Variants in SNN observed in about 807,000 individuals in gnomAD.
SNN encodes stannin, also known as AG8_1.
A neutral mutation model predicts 5.3 loss-of-function variants in SNN; 5 were observed. The ratio of observed to expected loss-of-function variants is 0.94; its 90% CI spans 0.49 to 1.97. The LOEUF (loss-of-function observed/expected upper bound fraction) is 1.97. Ranked by LOEUF, SNN falls within the 30% of genes most tolerant of loss-of-function variation. The pLI is 0.01. For synonymous variants in SNN, 67 were observed against 52.1 expected (o/e 1.29, Z -1.24); for missense variants, 127 against 121.6 (o/e 1.04, Z -0.21).
At position 11,671,682 on chromosome 16, in the gene SNN, C is replaced by T. The variant is rs1302372285; in HGVS notation, c.-86+3142C>T. Reference sequence around the variant, plus strand: ...GCATCTCCCCAACCCAAGCTGTGGCCCGTCCCTGTCCCCTGCATCCTGTGG... The same window carrying T: ...GCATCTCCCCAACCCAAGCTGTGGCTCGTCCCTGTCCCCTGCATCCTGTGG... On this transcript the variant is annotated intron_variant, in intron 1 of 1. Transcript: ENST00000329565. This position sits in a 1 kb window ranked among gnomAD's most constrained non-coding sequence, Gnocchi z 4.7. Among the ~76,000 whole-genome samples, 2 of 152,196 alleles carry T rather than the reference C, an allele frequency of 1.3e-5. No homozygotes were observed. The highest frequency in any genetic ancestry group is 6.5e-5 in the Admixed American group (1 of 15,278).
In SNN at chr16:11,678,390, T is replaced by C. The variant is rs2050326304; in HGVS notation, c.*2064T>C. 1 of 167,080 alleles carries C rather than the reference T, an allele frequency of 6.0e-6. No homozygotes were observed. Among genetic ancestry groups the C allele is most frequent in the South Asian group, 2.1e-4 (1 of 4,828 alleles). The allele number at this position is 167,080 out of a possible 1,614,324, so 10.3% of individuals were successfully genotyped here. A position where few individuals can be genotyped will look rare whatever the true frequency, so the allele number is the denominator to read the frequency against. The stretch of plus-strand genomic sequence containing the variant: ...CACATACACCTAGGCTGTTTTTCCT[T>C]CCTCCACACCTGAGGGACGCAGCAA... On this transcript the variant is annotated 3_prime_UTR_variant, in exon 2 of 2. Coordinates refer to ENST00000329565, the MANE Select transcript of SNN (RefSeq NM_003498.6).
Position 11,676,384 on chromosome 16 carries a change from C to CA in SNN, c.*62dup. 6.4e-7 allele frequency: 1 copy of CA among 1,554,760 alleles called. No individual in the cohort carries two copies. The highest frequency in any genetic ancestry group is 8.7e-7 in the Non-Finnish European group (1 of 1,144,632). On this transcript the variant is annotated 3_prime_UTR_variant, in exon 2 of 2. Coordinates refer to ENST00000329565, the MANE Select transcript of SNN (RefSeq NM_003498.6). ...GCCGGCCAAGAGGCGCTGGGAGGGG[C>CA]AAAACCATACGGATGCGCTGCTGTC...
Position 11,676,480 on chromosome 16 carries a change from G to T in SNN, c.*154G>T. On this transcript the variant is annotated 3_prime_UTR_variant, in exon 2 of 2. Transcript: ENST00000329565. ...GTCATCGCATGCACTGATGCCCGGGGACCTGGCTGTCCTGGGCTTCCCCTC... is the reference window on the plus strand; with the variant it reads ...GTCATCGCATGCACTGATGCCCGGGTACCTGGCTGTCCTGGGCTTCCCCTC... 2.1e-6 allele frequency: 2 copies of T among 954,712 alleles called. No individual in the cohort carries two copies. Among genetic ancestry groups the T allele is most frequent in the Non-Finnish European group, 3.1e-6 (2 of 646,424 alleles). The allele number at this position is 954,712 out of a possible 1,614,324, so 59.1% of individuals were successfully genotyped here. A position where few individuals can be genotyped will look rare whatever the true frequency, so the allele number is the denominator to read the frequency against.
At chr16:11,675,903 G>A in intron 1 of SNN, 72 bp from the exon 2 acceptor site, 1 of 772,054 alleles carries the variant, frequency 1.3e-6, no homozygotes, top group Non-Finnish European at 2.0e-6. Flanking sequence ...GGGATGGGCA[G>A]GTCTGAGAAC....
Position 11,679,135 on chromosome 16 carries a change from G to T in SNN, c.*2809G>T. 1 of 1,511,366 alleles carries T rather than the reference G, an allele frequency of 6.6e-7. No homozygotes were observed. Among genetic ancestry groups the T allele is most frequent in the Non-Finnish European group, 9.0e-7 (1 of 1,111,180 alleles). 93.6% of individuals were successfully genotyped at this position (1,511,366 alleles called of 1,614,324 possible). ...TTTACAATAAATTTCAATAAAATTT[G>T]CATAAATATATTCCCAATGTACAAT... On this transcript the variant is annotated 3_prime_UTR_variant, in exon 2 of 2. Coordinates refer to ENST00000329565, the MANE Select transcript of SNN (RefSeq NM_003498.6). This position sits in a 1 kb window ranked among gnomAD's most constrained non-coding sequence, Gnocchi z 4.6.
chr16:11,675,984 G>T lies in SNN; in HGVS notation c.-76G>T. 6.8e-7 allele frequency: 1 copy of T among 1,480,456 alleles called. No homozygotes were observed. The allele number at this position is 1,480,456 out of a possible 1,614,324, so 91.7% of individuals were successfully genotyped here. ...CTGCTTTGTCTTTCAGGACTCCCGTGTCCAGCCTGAGTTCCAGCCTCACTG... is the reference window on the plus strand; with the variant it reads ...CTGCTTTGTCTTTCAGGACTCCCGTTTCCAGCCTGAGTTCCAGCCTCACTG... On this transcript the variant is annotated 5_prime_UTR_variant, in exon 2 of 2. Coordinates refer to ENST00000329565, the MANE Select transcript of SNN (RefSeq NM_003498.6).
chr16:11,669,233 G>C (rs1199438110), intron 1 of SNN, among the ~76,000 whole-genome samples: 1 of 152,138 alleles, frequency 6.6e-6, no homozygotes, highest in Non-Finnish European at 1.5e-5. Flanking sequence ...TGCGCGGAGC[G>C]CGCCTGGCAC....
chr16:11,669,459 G>T (rs1350764336), intron 1 of SNN, among the ~76,000 whole-genome samples: 1 of 152,234 alleles, frequency 6.6e-6, no homozygotes, highest in Non-Finnish European at 1.5e-5. Flanking sequence ...GATGCAGGTT[G>T]CCTGGGTTTG....
Position 11,677,307 on chromosome 16 carries a change from G to A in SNN, c.*981G>A, listed in dbSNP as rs1451403353. ...TTCCTATTTTCTGCACTGGAGGGGA[G>A]GGGACTGTTGAGGTTCTGTCTTTTT... On this transcript the variant is annotated 3_prime_UTR_variant, in exon 2 of 2. Transcript: ENST00000329565. This position sits in a 1 kb window ranked among gnomAD's most constrained non-coding sequence, Gnocchi z 4.2. 6.0e-6 allele frequency: 1 copy of A among 167,274 alleles called. No individual in the cohort carries two copies. The highest frequency in any genetic ancestry group is 1.5e-5 in the Non-Finnish European group (1 of 68,266). 10.4% of individuals were successfully genotyped at this position (167,274 alleles called of 1,614,324 possible).
chr16:11,674,526 G>A (rs563311595), intron 1 of SNN, among the ~76,000 whole-genome samples: 3 of 152,354 alleles, frequency 2.0e-5, no homozygotes, highest in South Asian at 4.1e-4. Flanking sequence ...ACTGTCCTCC[G>A]CCACTTGGCA....
intron 1 of SNN, among the ~76,000 whole-genome samples, chr16:11,675,323 A>G (rs1379189292): frequency 7.2e-6 from 1 of 138,824 alleles, no homozygotes; most frequent in Non-Finnish European, 1.5e-5. Context: ...GCTAGAGCGC[A>G]GTGGTGAGAT....
intron 1 of SNN, among the ~76,000 whole-genome samples, chr16:11,673,622 G>C (rs2050279739): frequency 6.6e-6 from 1 of 152,222 alleles, no homozygotes; most frequent in Admixed American, 6.5e-5. Flanking sequence ...AGTGGCTCCA[G>C]ACATGGCCAG....
Position 11,675,982 on chromosome 16 carries a change from G to A in SNN, c.-78G>A, listed in dbSNP as rs1344665973. ...ACCTGCTTTGTCTTTCAGGACTCCC[G>A]TGTCCAGCCTGAGTTCCAGCCTCAC... On this transcript the variant is annotated 5_prime_UTR_variant, in exon 2 of 2. The change creates a new upstream start codon in the 5' untranslated region. Coordinates refer to ENST00000329565, the MANE Select transcript of SNN (RefSeq NM_003498.6). The A allele has an allele frequency of 1.2e-5, 17 of 1,468,794 alleles. No individual in the cohort carries two copies. Among genetic ancestry groups the A allele is most frequent in the South Asian group, 2.7e-5 (2 of 75,180 alleles). The allele number at this position is 1,468,794 out of a possible 1,614,324, so 91.0% of individuals were successfully genotyped here. A position where few individuals can be genotyped will look rare whatever the true frequency, so the allele number is the denominator to read the frequency against.
Position 11,678,263 on chromosome 16 carries a change from TAA to T in SNN, c.*1940_*1941del. On this transcript the variant is annotated 3_prime_UTR_variant, in exon 2 of 2. Transcript: ENST00000329565. ...AAAGGTGCCGACTGGAAGAAGGGGG[TAA>T]AAGTTTGCTTTGGTGAGTGAGAAAA... The T allele has an allele frequency of 6.0e-6, 1 of 166,870 alleles. No individual in the cohort carries two copies. Among genetic ancestry groups the T allele is most frequent in the Non-Finnish European group, 1.5e-5 (1 of 68,106 alleles). 10.3% of individuals were successfully genotyped at this position (166,870 alleles called of 1,614,324 possible).
chr16:11,673,275 T>C (rs963486467), intron 1 of SNN, among the ~76,000 whole-genome samples: 2 of 151,726 alleles, frequency 1.3e-5, no homozygotes, highest in African/African-American at 4.8e-5. Context: ...AACCGGATGG[T>C]GGCAGGGGAG....
At chr16:11,675,478 G>T (rs917472121) in intron 1 of SNN, among the ~76,000 whole-genome samples, 1 of 152,076 alleles carries the variant, frequency 6.6e-6, no homozygotes, top group Non-Finnish European at 1.5e-5. Context: ...TGTTGGCCAG[G>T]CTGGTCTCAA....
rs571584628 is a variant in SNN at position 11,676,248 on chromosome 16, G to T, written c.189G>T (p.Val63=). 2 of 1,614,228 alleles carry T rather than the reference G, an allele frequency of 1.2e-6. No homozygotes were observed. The highest frequency in any genetic ancestry group is 2.2e-5 in the South Asian group (2 of 91,088). The change falls in exon 2 of 2, where the codon GTG becomes GTT. Residue 63 remains valine (V), a synonymous_variant. Transcript: ENST00000329565. ...AGACCAAGGAACCCTTCCTGCTGGT[G>T]CAGTATTCGGCCAAGGGACCGTGCG... ...DGETKEPFLL[V]QYSAKGPCVE... is the part of the protein sequence containing the mutation.
At position 11,677,958 on chromosome 16, in the gene SNN, C is replaced by A. The variant is rs1015579469; in HGVS notation, c.*1632C>A. On this transcript the variant is annotated 3_prime_UTR_variant, in exon 2 of 2. Coordinates refer to ENST00000329565, the MANE Select transcript of SNN (RefSeq NM_003498.6). This position sits in a 1 kb window ranked among gnomAD's most constrained non-coding sequence, Gnocchi z 4.2. Reference sequence around the variant, plus strand: ...GGGAGCTGTTCGTTTAAGCAGCATACACCTAAATTGGGGGTTTAAACATTA... The same window carrying A: ...GGGAGCTGTTCGTTTAAGCAGCATAAACCTAAATTGGGGGTTTAAACATTA... The A allele has an allele frequency of 6.0e-6, 1 of 167,112 alleles. No homozygotes were observed. The highest frequency in any genetic ancestry group is 2.4e-5 in the African/African-American group (1 of 41,438). The allele number at this position is 167,112 out of a possible 1,614,324, so 10.4% of individuals were successfully genotyped here.
chr16:11,670,691 G>A (rs1358449871), intron 1 of SNN, among the ~76,000 whole-genome samples: 4 of 152,230 alleles, frequency 2.6e-5, no homozygotes, highest in Admixed American at 6.5e-5. Context: ...TTGGCTGGGC[G>A]GAAGCAGGCC....
Sources: allele counts gnomAD v4.1 joint callset (sites outside exome capture counted in the v4.1 genomes callset), GRCh38; gene constraint gnomAD v4.1.1; non-coding constraint Gnocchi (gnomAD v3.1); transcripts MANE v1.5; gene names NCBI Gene and HGNC (gene_info 2026-07-23, HGNC 2026-07-21).